The following TARBP1 variants were observed in gnomAD, a reference collection of about 807,000 sequenced individuals.
TARBP1 encodes tRNA (guanosine(18)-2'-O)-methyltransferase TARBP1.
In TARBP1, 144 loss-of-function variants were observed where a neutral mutation model predicts 178.6. The observed-to-expected ratio is 0.81, with a 90% CI of 0.70 to 0.93. TARBP1 has a LOEUF of 0.93. Ranked by LOEUF, TARBP1 falls within the 40% of genes least tolerant of loss-of-function variation. TARBP1 has a pLI of 0.00. For missense variants in TARBP1, 2,067 were observed against 2,011.7 expected, an observed-to-expected ratio of 1.03 and a Z score of -0.53; for synonymous variants, 787 against 781.0, an observed-to-expected ratio of 1.01 and a Z score of -0.13.
In TARBP1 at chr1:234,427,565, G is replaced by GCA; in HGVS notation, c.3251+9_3251+10dup. 1.3e-6 allele frequency: 2 copies of GCA among 1,588,918 alleles called. No homozygotes were observed. Among genetic ancestry groups the GCA allele is most frequent in the South Asian group, 1.2e-5 (1 of 85,828 alleles). ...CAAGTTATGACCAGTTGAAATAATAGCATCTTTTACCTTTGATCACGCCTA... is the reference window on the plus strand; with the variant it reads ...CAAGTTATGACCAGTTGAAATAATAGCACATCTTTTACCTTTGATCACGCCTA... On this transcript the variant is annotated intron_variant, in intron 18 of 29. Transcript: ENST00000040877.
At chr1:234,413,178 C>T (rs1214881155) in intron 22 of TARBP1, among the ~76,000 whole-genome samples, 1 of 152,168 alleles carries the variant, frequency 6.6e-6, no homozygotes, top group Non-Finnish European at 1.5e-5. Flanking sequence ...CCCCAGCAGA[C>T]ACCACAAGGA....
intron 22 of TARBP1, 52 bp from the exon 23 acceptor site, chr1:234,410,583 A>G (rs746071965): frequency 8.2e-7 from 1 of 1,217,756 alleles, no homozygotes; most frequent in East Asian, 2.4e-5. Flanking sequence ...ACTGTGAAAC[A>G]TGCACGTGAA....
chr1:234,459,642 T>C (rs1215817917), intron 7 of TARBP1, among the ~76,000 whole-genome samples: 4 of 152,000 alleles, frequency 2.6e-5, no homozygotes, highest in African/African-American at 9.7e-5. Context: ...TGCAATCCCG[T>C]CTCTACTAAA....
chr1:234,445,948 C>A (rs952021095), intron 12 of TARBP1, among the ~76,000 whole-genome samples: 1 of 152,096 alleles, frequency 6.6e-6, no homozygotes, highest in Non-Finnish European at 1.5e-5. Context: ...GTCAGGACAG[C>A]GCCAATGAAT....
chr1:234,402,178 T>C (rs17576781), intron 24 of TARBP1, among the ~76,000 whole-genome samples: 11,601 of 152,326 alleles, frequency 0.076, 516 homozygotes, highest in Non-Finnish European at 0.093. Context: ...GAATATTAGG[T>C]AGCTGTTAAA....
intron 4 of TARBP1, 29 bp downstream of exon 4, chr1:234,467,473 G>T: frequency 6.6e-7 from 1 of 1,513,574 alleles, no homozygotes; most frequent in Non-Finnish European, 8.8e-7. Context: ...TCAACAATGG[G>T]AGCAAGGAAG....
At chr1:234,436,739 T>A (rs1209496140) in intron 13 of TARBP1, among the ~76,000 whole-genome samples, 1 of 152,166 alleles carries the variant, frequency 6.6e-6, no homozygotes, top group African/African-American at 2.4e-5. Context: ...GACATTCATA[T>A]AAGAACTGGT....
At chr1:234,404,219 C>A (rs572242232) in intron 24 of TARBP1, among the ~76,000 whole-genome samples, 1 of 152,206 alleles carries the variant, frequency 6.6e-6, no homozygotes, top group South Asian at 2.1e-4. Context: ...TACAAGCTGA[C>A]AAATGCCTAT....
chr1:234,432,151 A>G (rs954783547), intron 14 of TARBP1, among the ~76,000 whole-genome samples: 7 of 149,326 alleles, frequency 4.7e-5, no homozygotes, highest in African/African-American at 1.7e-4. Context: ...AAAAAAAAAA[A>G]AGCCTTGAGG....
At chr1:234,474,624 A>C (rs1669413772) in intron 1 of TARBP1, among the ~76,000 whole-genome samples, 1 of 152,234 alleles carries the variant, frequency 6.6e-6, no homozygotes, top group South Asian at 2.1e-4. Flanking sequence ...GAATGGTTTC[A>C]GATTTCTCAA....
At chr1:234,430,339 A>G (rs2236587) in intron 14 of TARBP1, 38 bp from the exon 15 acceptor site, 180,670 of 1,583,902 alleles carry the variant, frequency 0.11, 11,812 homozygotes, top group Middle Eastern at 0.28. Flanking sequence ...TTTAATATGC[A>G]CAAGTCTTAA....
chr1:234,465,074 G>C (rs901182013), intron 5 of TARBP1, among the ~76,000 whole-genome samples: 1 of 108,546 alleles, frequency 9.2e-6, no homozygotes, highest in Non-Finnish European at 1.8e-5. Context: ...ATGAACGGAT[G>C]GATGGATGGA....
chr1:234,399,652 T>C (rs1223851570), intron 25 of TARBP1, among the ~76,000 whole-genome samples: 2 of 151,964 alleles, frequency 1.3e-5, no homozygotes, highest in African/African-American at 2.4e-5. Flanking sequence ...CCAACAATGA[T>C]AGACTGGATT....
At chr1:234,414,718 C>T (rs987918869) in intron 22 of TARBP1, among the ~76,000 whole-genome samples, 4 of 152,168 alleles carry the variant, frequency 2.6e-5, no homozygotes, top group African/African-American at 7.2e-5. Flanking sequence ...GGCGCGGTGG[C>T]TCATGCCTGT....
rs574844586 is a variant in TARBP1, at chr1:234,429,954, T to C, written c.2609+133A>G. 3.6e-4 allele frequency: 341 copies of C among 956,322 alleles called. 3 individuals carry two copies. The South Asian group carries it at 4.5e-3, about 13-fold the overall frequency. The allele number at this position is 956,322 out of a possible 1,614,324, so 59.2% of individuals were successfully genotyped here. On this transcript the variant is annotated intron_variant, in intron 15 of 29. Coordinates refer to ENST00000040877, the MANE Select transcript of TARBP1 (RefSeq NM_005646.4). ...AGTCTCCAGTAACAGAGATGAATAA[T>C]GTTATACCACACTTTCATCCTGAAT...
At chr1:234,435,682 T>C (rs371512934) in intron 13 of TARBP1, among the ~76,000 whole-genome samples, 1 of 152,138 alleles carries the variant, frequency 6.6e-6, no homozygotes, top group Non-Finnish European at 1.5e-5. Flanking sequence ...AATTCAGGTG[T>C]GGTTGAGCAT....
intron 24 of TARBP1, among the ~76,000 whole-genome samples, chr1:234,402,235 G>C (rs1399029599): frequency 6.6e-6 from 1 of 152,178 alleles, no homozygotes; most frequent in Non-Finnish European, 1.5e-5. Flanking sequence ...GAGAAGGAAG[G>C]AGACTGTCTC....
Position 234,471,255 on chromosome 1 carries a change from T to C in TARBP1, c.1032A>G (p.Ile344Met), listed in dbSNP as rs1419416228. Reference protein sequence around the residue: ...LIMETLEGNQIHVIKPVLPKL... With the variant: ...LIMETLEGNQMHVIKPVLPKL... Reference sequence around the variant, plus strand: ...TTGGTAAAACTGGCTTTATAACATGTATCTAAAAATAAGAGCAAAAAAATC... The same window carrying C: ...TTGGTAAAACTGGCTTTATAACATGCATCTAAAAATAAGAGCAAAAAAATC... Residue 344 changes from isoleucine to methionine, a missense_variant and splice_region_variant, in exon 3 of 30, where the codon ATA becomes ATG. Coordinates refer to ENST00000040877, the MANE Select transcript of TARBP1 (RefSeq NM_005646.4). 1.9e-6 allele frequency: 3 copies of C among 1,578,808 alleles called. No individual in the cohort carries two copies. Among genetic ancestry groups the C allele is most frequent in the South Asian group, 1.2e-5 (1 of 85,120 alleles).
At chr1:234,453,773 G>A (rs1005437660) in intron 9 of TARBP1, among the ~76,000 whole-genome samples, 6 of 152,062 alleles carry the variant, frequency 3.9e-5, no homozygotes, top group Non-Finnish European at 5.9e-5. Context: ...ATTGAAATCT[G>A]GATTCAGCTA....
Sources: gnomAD v4.1 joint callset for allele counts (sites outside exome capture counted in the v4.1 genomes callset) on GRCh38, gnomAD v4.1.1 for gene constraint, MANE v1.5 for transcripts, NCBI Gene and HGNC (gene_info 2026-07-23, HGNC 2026-07-21) for gene names.